LTF: variants seen among roughly 807,000 people sequenced by gnomAD.
LTF encodes the protein lactotransferrin, also known as epididymis luminal protein 110.
Under a neutral mutation model 87.2 loss-of-function variants are expected in LTF, and 91 were observed. The ratio of observed to expected loss-of-function variants is 1.04; its 90% CI spans 0.88 to 1.24. LTF has a LOEUF of 1.24. Among genes scored for constraint, LTF ranks in the 50% most tolerant of loss-of-function variants. The pLI is 0.00. For synonymous variants in LTF, 378 were observed against 356.1 expected (o/e 1.06, Z -0.69); for missense variants, 901 against 904.3 (o/e 1.00, Z 0.05).
chr3:46,466,369 T>A (rs558645684), upstream of LTF, among the ~76,000 whole-genome samples: 4 of 152,332 alleles, frequency 2.6e-5, no homozygotes, highest in African/African-American at 9.6e-5. Context: ...ATCTGCTTAT[T>A]CTGAAAAGCT....
In LTF at chr3:46,455,815, T is replaced by C; in HGVS notation, c.480A>G (p.Pro160=). 1 of 1,583,126 alleles carries C rather than the reference T, an allele frequency of 6.3e-7. No homozygotes were observed. Among genetic ancestry groups the C allele is most frequent in the South Asian group, 1.2e-5 (1 of 85,620 alleles). Residue 160 remains proline, a synonymous_variant, in exon 4 of 17, where the codon CCA becomes CCG. Coordinates refer to ENST00000231751, the MANE Select transcript of LTF (RefSeq NM_002343.6). The stretch of plus-strand genomic sequence containing the variant: ...TCTTACCTGCCTCAATGGGCTCAGG[T>C]GGACCCGTCCAATTCAAGAATGGAC... ...TLRPFLNWTG[P]PEPIEAAVAR...
intron 5 of LTF, among the ~76,000 whole-genome samples, 158 bp downstream of exon 5, chr3:46,455,137 G>A (rs778224628): frequency 3.3e-5 from 5 of 152,216 alleles, no homozygotes; most frequent in South Asian, 2.1e-4. Flanking sequence ...CACACACTGG[G>A]CAGGCCTGCA....
At position 46,439,362 on chromosome 3, in the gene LTF, C is replaced by T. The variant is rs370418537; in HGVS notation, c.1842G>A (p.Pro614=). 19 of 1,614,124 alleles carry T rather than the reference C, an allele frequency of 1.2e-5. No homozygotes were observed. Among genetic ancestry groups the T allele is most frequent in the South Asian group, 5.5e-5 (5 of 91,090 alleles). ...CCATCCGAGACACCACGGCATGATT[C>T]GGGGCCATGGCAAGATGGCAGCTTC... ...EARSCHLAMA[P]NHAVVSRMDK... is the part of the protein sequence containing the mutation. The change falls in exon 15 of 17, where the codon CCG becomes CCA. Residue 614 remains proline (P), a synonymous_variant. Coordinates refer to ENST00000231751, the MANE Select transcript of LTF (RefSeq NM_002343.6).
At chr3:46,467,984 C>G (rs1224284936), upstream of LTF, among the ~76,000 whole-genome samples, 1 of 152,178 alleles carries the variant, frequency 6.6e-6, no homozygotes, top group Non-Finnish European at 1.5e-5. Flanking sequence ...AACCCTGAAC[C>G]TTTTCTCATA....
In LTF at chr3:46,449,941, T is replaced by A. The variant is rs138966671; in HGVS notation, c.970A>T (p.Ile324Phe). The change falls in exon 8 of 17, where the codon ATT (isoleucine) becomes TTT (phenylalanine). Residue 324 changes from isoleucine to phenylalanine, a missense_variant. Coordinates refer to ENST00000231751, the MANE Select transcript of LTF (RefSeq NM_002343.6). Reference sequence around the variant, plus strand: ...CTCGGGGGCACCCTCGAAAACCCAATGGCAGAGTCCTTGAACAGCAGATCT... The same window carrying A: ...CTCGGGGGCACCCTCGAAAACCCAAAGGCAGAGTCCTTGAACAGCAGATCT... Reference protein sequence around the residue: ...QKDLLFKDSAIGFSRVPPRID... With the variant: ...QKDLLFKDSAFGFSRVPPRID... 840 of 1,614,104 alleles carry A rather than the reference T, an allele frequency of 5.2e-4. 3 individuals are homozygous for A. In the African/African-American group the frequency reaches 8.9e-3, roughly 17 times the overall value.
At position 46,479,481 on chromosome 3, in the gene LTF, A is replaced by G. The variant is rs185193779; in HGVS notation, c.-320+5505T>C. Among the ~76,000 whole-genome samples the G allele has an allele frequency of 3.0e-3, 450 of 151,816 alleles. 3 individuals carry two copies. Among genetic ancestry groups the G allele is most frequent in the African/African-American group, 0.01 (427 of 41,342 alleles). ...GATGATTAGGGAGGCTCCAGCAGTGACCTGGGAGAGAGATGAAGTGGCTTT... is the reference window on the plus strand; with the variant it reads ...GATGATTAGGGAGGCTCCAGCAGTGGCCTGGGAGAGAGATGAAGTGGCTTT... On this transcript the variant is annotated intron_variant, in intron 1 of 19. Transcript: ENST00000443496.
intron 4 of LTF, 64 bp from the exon 5 acceptor site, chr3:46,455,506 T>TC: frequency 3.1e-6 from 5 of 1,599,024 alleles, no homozygotes; most frequent in Non-Finnish European, 4.3e-6. Context: ...AGGTTACACC[T>TC]CCCATCCTGA....
chr3:46,455,030 C>G (rs553298153), intron 5 of LTF, among the ~76,000 whole-genome samples: 40 of 152,340 alleles, frequency 2.6e-4, no homozygotes, highest in African/African-American at 8.2e-4. Context: ...GGATTCAGGG[C>G]TCTCTGAGGT....
intron 2 of LTF, among the ~76,000 whole-genome samples, chr3:46,459,079 T>C (rs1703013114): frequency 6.6e-6 from 1 of 152,238 alleles, no homozygotes; most frequent in Non-Finnish European, 1.5e-5. Context: ...GTACACAGAA[T>C]ATATTTGTTG....
upstream of LTF, among the ~76,000 whole-genome samples, chr3:46,468,621 C>T (rs2106914564): frequency 6.6e-6 from 1 of 152,326 alleles, no homozygotes; most frequent in East Asian, 1.9e-4. Flanking sequence ...GAGCCTCTAG[C>T]TTCAAACCCC....
In LTF at chr3:46,443,596, A is replaced by C. The variant is rs1286322507; in HGVS notation, c.1514-14T>G. The C allele has an allele frequency of 2.5e-6, 4 of 1,613,854 alleles. No homozygotes were observed. The East Asian group carries it at 8.9e-5, about 36-fold the overall frequency. ...TGAAATATTCATCTGGAGAGAAGGA[A>C]CACGGGGAGTCAGCTCTTCAAACCT... On this transcript the variant is annotated splice_polypyrimidine_tract_variant and intron_variant, in intron 12 of 16. Transcript: ENST00000231751.
chr3:46,456,042 C>G, intron 3 of LTF, 64 bp from the exon 4 acceptor site: 3 of 1,414,990 alleles, frequency 2.1e-6, no homozygotes, highest in Non-Finnish European at 2.8e-6. Context: ...AACAACCCAT[C>G]CTGAAAAGTC....
chr3:46,460,290 ATTGTTT>A (rs1391631425), intron 1 of LTF, among the ~76,000 whole-genome samples: 3 of 152,136 alleles, frequency 2.0e-5, no homozygotes, highest in Admixed American at 1.3e-4. Context: ...GTCTCTCTAG[ATTGTTT>A]TGTGCATAAA....
upstream of LTF, chr3:46,469,431 A>C (rs1703255501): frequency 6.6e-6 from 1 of 152,228 alleles, no homozygotes; most frequent in Admixed American, 6.5e-5. Context: ...GAAATACCAA[A>C]AGGTGCTTGT....
At chr3:46,471,892 G>T (rs780016811) in intron 1 of LTF, among the ~76,000 whole-genome samples, 21 of 152,166 alleles carry the variant, frequency 1.4e-4, no homozygotes, top group Non-Finnish European at 2.6e-4. Context: ...AAATATAGGG[G>T]CTGGGGGCCA....
At chr3:46,467,644 CTTTTTTTTT>C (rs5848801), upstream of LTF, among the ~76,000 whole-genome samples, 93 of 123,040 alleles carry the variant, frequency 7.6e-4, no homozygotes, top group African/African-American at 2.4e-3. Flanking sequence ...CTTTTCTTTT[CTTTTTTTTT>C]TTTTTTTTTT....
chr3:46,449,995 G>A lies in LTF; in HGVS notation c.916C>T (p.Gln306Ter), dbSNP rs770540176. ...KFGKDKSPKF[Q>*]LFGSPSGQKD... ...TGCCCACTAGGGGAGCCAAAGAGCT[G>A]GAATTTCGGTGACTTGTCCTTTCCA... The change falls in exon 8 of 17, where the codon CAG (glutamine) becomes TAG (stop). Residue 306 changes from glutamine to a stop codon, truncating the protein, a stop_gained. Transcript: ENST00000231751. LOFTEE classifies it high-confidence loss of function. The A allele has an allele frequency of 3.0e-5, 48 of 1,608,230 alleles. No homozygotes were observed. The highest frequency in any genetic ancestry group is 1.7e-4 in the Middle Eastern group (1 of 6,040).
chr3:46,453,413 C>T (rs1419452125), intron 6 of LTF, among the ~76,000 whole-genome samples: 1 of 151,824 alleles, frequency 6.6e-6, no homozygotes, highest in Non-Finnish European at 1.5e-5. Flanking sequence ...TGGGGTCTGT[C>T]TCTGGTGGCC....
chr3:46,455,707 C>T, intron 4 of LTF, 89 bp downstream of exon 4: 2 of 1,436,628 alleles, frequency 1.4e-6, no homozygotes, highest in Non-Finnish European at 1.9e-6. Context: ...TCATCCCACA[C>T]TTTCACCTGC....
Sources: gnomAD v4.1 joint callset for allele counts (sites outside exome capture counted in the v4.1 genomes callset) on GRCh38, gnomAD v4.1.1 for gene constraint, MANE v1.5 for transcripts, NCBI Gene and HGNC (gene_info 2026-07-23, HGNC 2026-07-21) for gene names.